The following MME variants were observed in gnomAD, a reference collection of about 807,000 sequenced individuals.
MME encodes the protein membrane metalloendopeptidase, also known as neprilysin.
Under a neutral mutation model 113.2 loss-of-function variants are expected in MME, and 98 were observed. The observed-to-expected ratio is 0.87, with a 90% CI of 0.74 to 1.02. The LOEUF (loss-of-function observed/expected upper bound fraction) is 1.02, where lower values mean the gene tolerates loss of function less well. Ranked by LOEUF, MME falls within the 50% of genes least tolerant of loss-of-function variation. MME has a pLI of 0.00. For missense variants in MME, 836 were observed against 896.0 expected (o/e 0.93, Z 0.86); for synonymous variants, 292 against 300.6 (o/e 0.97, Z 0.30).
intron 3 of MME, among the ~76,000 whole-genome samples, chr3:155,113,128 CAA>C (rs1265970323): frequency 6.6e-6 from 1 of 152,050 alleles, no homozygotes; most frequent in Non-Finnish European, 1.5e-5. Context: ...GAGGTTAAAG[CAA>C]AGACACAGGA....
intron 1 of MME, among the ~76,000 whole-genome samples, chr3:155,036,848 C>T (rs759758330): frequency 1.3e-5 from 2 of 152,020 alleles, no homozygotes; most frequent in Non-Finnish European, 2.9e-5. Context: ...TCTCCTATGC[C>T]TTTTTCTAGA....
intron 1 of MME, among the ~76,000 whole-genome samples, chr3:155,047,781 G>T (rs1447120032): frequency 1.3e-5 from 2 of 152,060 alleles, no homozygotes; most frequent in Non-Finnish European, 2.9e-5. Context: ...GTAAAAGATG[G>T]ATTGGGTAGA....
chr3:155,069,457 A>G (rs1714486444), intron 1 of MME, among the ~76,000 whole-genome samples: 1 of 152,210 alleles, frequency 6.6e-6, no homozygotes, highest in African/African-American at 2.4e-5. Context: ...GAGGTTTGTT[A>G]AGGCCCAGGA....
intron 1 of MME, among the ~76,000 whole-genome samples, chr3:155,070,914 G>A (rs1350442475): frequency 2.6e-5 from 4 of 152,150 alleles, no homozygotes. Flanking sequence ...GGGTGTTTGG[G>A]TTTATTCCTG....
At chr3:155,047,893 G>A (rs778674549) in intron 1 of MME, among the ~76,000 whole-genome samples, 23 of 152,054 alleles carry the variant, frequency 1.5e-4, no homozygotes, top group African/African-American at 4.8e-4. Context: ...TTCCATGTTC[G>A]GAGCCTTTGT....
rs34931605 is a variant in MME at position 155,143,509 on chromosome 3, A to C, written c.1255A>C (p.Met419Leu). The change falls in exon 13 of 23, where the codon ATG (methionine) becomes CTG (leucine). Residue 419 changes from methionine (M) to leucine (L), a missense_variant. Coordinates refer to ENST00000360490, the MANE Select transcript of MME (RefSeq NM_007289.4). The stretch of plus-strand genomic sequence containing the variant: ...TTGTGCAAACTATGTCAATGGGAAT[A>C]TGGAAAATGCTGTGGGGAGGCTTTA... ...RRCANYVNGN[M>L]ENAVGRLYVE... 1,234 of 1,612,916 alleles carry C rather than the reference A, an allele frequency of 7.7e-4. 13 individuals carry two copies. In the African/African-American group the frequency reaches 0.015, roughly 19 times the overall value.
chr3:155,135,058 TG>T (rs1425206631), intron 8 of MME, among the ~76,000 whole-genome samples: 1 of 152,178 alleles, frequency 6.6e-6, no homozygotes, highest in Non-Finnish European at 1.5e-5. Context: ...ATGCCTAGTT[TG>T]GGAATGTTTT....
chr3:155,098,348 G>T (rs987017326), intron 3 of MME, among the ~76,000 whole-genome samples: 1 of 152,104 alleles, frequency 6.6e-6, no homozygotes, highest in Non-Finnish European at 1.5e-5. Flanking sequence ...CAGGTCAGGA[G>T]ATCAAGACCA....
rs895011881 is a variant in MME, at chr3:155,084,493, T to C, written c.160+166T>C. Reference sequence around the variant, plus strand: ...CATCAATATGTCAAAATAATTAACTTTGAAGTACGGTGCCTTTTATGTTTG... The same window carrying C: ...CATCAATATGTCAAAATAATTAACTCTGAAGTACGGTGCCTTTTATGTTTG... On this transcript the variant is annotated intron_variant, in intron 2 of 22. Coordinates refer to ENST00000360490, the MANE Select transcript of MME (RefSeq NM_007289.4). The C allele has an allele frequency of 1.4e-5, 10 of 722,598 alleles. No individual in the cohort carries two copies. The African/African-American group carries it at 1.6e-4, about 11-fold the overall frequency. The allele number at this position is 722,598 out of a possible 1,614,324, so 44.8% of individuals were successfully genotyped here.
intron 1 of MME, among the ~76,000 whole-genome samples, chr3:155,049,973 G>A (rs56317942): frequency 0.044 from 6,639 of 151,940 alleles, 160 homozygotes; most frequent in African/African-American, 0.052. Context: ...TTCTGATCTC[G>A]TTCCTCCTCC....
chr3:155,040,450 T>C (rs1713269608), intron 1 of MME, among the ~76,000 whole-genome samples: 1 of 152,150 alleles, frequency 6.6e-6, no homozygotes, highest in Non-Finnish European at 1.5e-5. Flanking sequence ...GGATTAAATA[T>C]ATGTTTACAT....
rs1248426775 is a variant in MME, at chr3:155,042,345, C to T, written c.-11+18021C>T. ...ATATGGACCCACAATTTAACAAAAC[C>T]AGTAAGACAGAAACATATAATGAAA... On this transcript the variant is annotated intron_variant, in intron 1 of 22. Transcript: ENST00000492661. 1.9e-4 allele frequency among the ~76,000 whole-genome samples: 29 copies of T among 152,230 alleles called. No individual in the cohort carries two copies. In the South Asian group the frequency reaches 4.6e-3, roughly 24 times the overall value.
intron 1 of MME, among the ~76,000 whole-genome samples, chr3:155,063,821 G>A (rs186375678): frequency 5.1e-4 from 77 of 149,920 alleles, no homozygotes; most frequent in South Asian, 1.5e-3. Context: ...TGGTCTCTTG[G>A]TAATGGGAAA....
At chr3:155,127,031 G>A (rs1719732964) in intron 8 of MME, among the ~76,000 whole-genome samples, 1 of 151,638 alleles carries the variant, frequency 6.6e-6, no homozygotes, top group Non-Finnish European at 1.5e-5. Context: ...AAAAAGAAAG[G>A]GCATTTGTTC....
chr3:155,037,396 A>G (rs1268343722), intron 1 of MME, among the ~76,000 whole-genome samples: 1 of 152,332 alleles, frequency 6.6e-6, no homozygotes, highest in South Asian at 2.1e-4. Context: ...AAAGAAATTG[A>G]GTAATTTGCC....
chr3:155,123,099 C>T (rs1719295009), intron 8 of MME, among the ~76,000 whole-genome samples: 2 of 31,158 alleles, frequency 6.4e-5, no homozygotes, highest in Admixed American at 3.9e-4. Context: ...AATCTGGGTG[C>T]TCCTGTATTG....
chr3:155,119,565 C>T (rs1437148457), intron 8 of MME, among the ~76,000 whole-genome samples: 1 of 105,620 alleles, frequency 9.5e-6, no homozygotes, highest in Non-Finnish European at 1.9e-5. Context: ...TATCCCTCCC[C>T]CCTCCCCCCA....
intron 3 of MME, among the ~76,000 whole-genome samples, chr3:155,109,144 T>G (rs1431650027): frequency 6.6e-6 from 1 of 152,158 alleles, no homozygotes; most frequent in Non-Finnish European, 1.5e-5. Flanking sequence ...TATAGTATAG[T>G]TTTTGCTATT....
intron 3 of MME, among the ~76,000 whole-genome samples, chr3:155,087,466 G>T (rs141301659): frequency 6.6e-6 from 1 of 151,954 alleles, no homozygotes; most frequent in Non-Finnish European, 1.5e-5. Flanking sequence ...GGGGATCTCC[G>T]TGGTCATGTG....
Sources: gnomAD v4.1 joint callset for allele counts (sites outside exome capture counted in the v4.1 genomes callset) on GRCh38, gnomAD v4.1.1 for gene constraint, MANE v1.5 for transcripts, NCBI Gene and HGNC (gene_info 2026-07-23, HGNC 2026-07-21) for gene names.